The following CHCHD6 variants were observed in gnomAD, a reference collection of about 807,000 sequenced individuals.
CHCHD6 encodes the protein coiled-coil-helix-coiled-coil-helix domain containing 6.
CHCHD6 carries 28 observed loss-of-function variants against 32.3 expected under a neutral mutation model. The ratio of observed to expected loss-of-function variants is 0.87; its 90% CI spans 0.64 to 1.19. CHCHD6 has a LOEUF of 1.19. Among genes scored for constraint, CHCHD6 ranks in the 50% most tolerant of loss-of-function variants. The pLI, the probability that CHCHD6 is intolerant of heterozygous loss-of-function variation, is 0.00. For missense variants in CHCHD6, 333 were observed against 307.0 expected (o/e 1.08, Z -0.63); for synonymous variants, 122 against 117.5 (o/e 1.04, Z -0.25).
At chr3:126,711,117 T>C (rs1934729606) in intron 1 of CHCHD6, among the ~76,000 whole-genome samples, 1 of 152,202 alleles carries the variant, frequency 6.6e-6, no homozygotes. Flanking sequence ...CACTCCTTTC[T>C]CTCTGTCCTT....
In CHCHD6 at chr3:126,951,550, G is replaced by A. The variant is rs146174136; in HGVS notation, c.567-5866G>A. On this transcript the variant is annotated intron_variant, in intron 6 of 7. Coordinates refer to ENST00000290913, the MANE Select transcript of CHCHD6 (RefSeq NM_032343.3). ...GTTGTACCGAAACTTATGGATAGTG[G>A]ACCAAGACCAGAGAGAAGGAAGAGG... is the stretch of plus-strand genomic sequence containing the variant. Among the ~76,000 whole-genome samples the A allele has an allele frequency of 3.0e-3, 460 of 152,292 alleles. 3 individuals are homozygous for A. Among genetic ancestry groups the A allele is most frequent in the African/African-American group, 7.8e-3 (325 of 41,550 alleles).
At chr3:126,801,878 C>T (rs999086803) in intron 4 of CHCHD6, among the ~76,000 whole-genome samples, 63 of 152,166 alleles carry the variant, frequency 4.1e-4, no homozygotes, top group African/African-American at 1.2e-3. Context: ...TCCAGAGGAA[C>T]GATCAGACAG....
In CHCHD6 at chr3:126,934,536, C is replaced by CTTTTT. The variant is rs386397861; in HGVS notation, c.566+19812_566+19816dup. On this transcript the variant is annotated intron_variant, in intron 6 of 7. Coordinates refer to ENST00000290913, the MANE Select transcript of CHCHD6 (RefSeq NM_032343.3). The stretch of plus-strand genomic sequence containing the variant: ...CTTGGAATGCACCCTCCCCTCTCTG[C>CTTTTT]TTTTTTTTTTTTTTTTTTTTTTTTT... Among the ~76,000 whole-genome samples, 62 of 58,244 alleles carry CTTTTT rather than the reference C, an allele frequency of 1.1e-3. 5 individuals carry two copies. The highest frequency in any genetic ancestry group is 3.5e-3 in the African/African-American group (49 of 14,002). The allele number at this position is 58,244 out of a possible 152,430, so 38.2% of individuals were successfully genotyped here.
At chr3:126,744,270 T>C (rs1314333606) in intron 4 of CHCHD6, among the ~76,000 whole-genome samples, 1 of 152,256 alleles carries the variant, frequency 6.6e-6, no homozygotes, top group African/African-American at 2.4e-5. Flanking sequence ...TTTGGGGAGC[T>C]ACCATTCTGC....
At chr3:126,946,264 G>C (rs976861832) in intron 6 of CHCHD6, among the ~76,000 whole-genome samples, 3 of 152,202 alleles carry the variant, frequency 2.0e-5, no homozygotes, top group African/African-American at 7.2e-5. Context: ...CCCAGAAAGC[G>C]CCCCACCTGG....
At chr3:126,726,688 T>G (rs1203976679) in intron 1 of CHCHD6, among the ~76,000 whole-genome samples, 1 of 152,078 alleles carries the variant, frequency 6.6e-6, no homozygotes, top group Non-Finnish European at 1.5e-5. Flanking sequence ...AAAGAAAGGA[T>G]ATGATTTGGA....
chr3:126,880,807 G>A (rs2077598424), intron 5 of CHCHD6, among the ~76,000 whole-genome samples: 1 of 152,172 alleles, frequency 6.6e-6, no homozygotes, highest in Non-Finnish European at 1.5e-5. Flanking sequence ...TGGAAAATGT[G>A]TACTCAAGGA....
intron 5 of CHCHD6, among the ~76,000 whole-genome samples, chr3:126,902,104 G>A (rs560901221): frequency 1.3e-5 from 2 of 152,330 alleles, no homozygotes; most frequent in East Asian, 1.9e-4. Flanking sequence ...TTACAACAAC[G>A]ATTCTCAACA....
At chr3:126,854,230 A>G (rs1373122557) in intron 5 of CHCHD6, among the ~76,000 whole-genome samples, 1 of 152,196 alleles carries the variant, frequency 6.6e-6, no homozygotes, top group Admixed American at 6.5e-5. Context: ...TTGCATATGC[A>G]GGTGTGGGCT....
intron 1 of CHCHD6, among the ~76,000 whole-genome samples, chr3:126,717,080 C>CG (rs1935054548): frequency 1.3e-5 from 2 of 152,148 alleles, no homozygotes; most frequent in African/African-American, 4.8e-5. Context: ...GCACGCAGGC[C>CG]GGGGTCAGGC....
intron 5 of CHCHD6, among the ~76,000 whole-genome samples, chr3:126,899,700 C>T (rs549179460): frequency 7.9e-5 from 12 of 152,282 alleles, no homozygotes; most frequent in African/African-American, 2.9e-4. Flanking sequence ...ATTCACCTTT[C>T]CTGGTCTTGA....
chr3:126,917,591 A>G (rs1345809711), intron 6 of CHCHD6, among the ~76,000 whole-genome samples: 4 of 152,256 alleles, frequency 2.6e-5, no homozygotes, highest in African/African-American at 7.2e-5. Flanking sequence ...CATAGAAAGT[A>G]GACCTAGGAT....
intron 1 of CHCHD6, among the ~76,000 whole-genome samples, chr3:126,707,131 G>A (rs1156808950): frequency 6.6e-6 from 1 of 152,054 alleles, no homozygotes; most frequent in Non-Finnish European, 1.5e-5. Flanking sequence ...GCTGGGCATG[G>A]TGGCACACAC....
At chr3:126,952,484 C>T (rs370771424) in intron 6 of CHCHD6, among the ~76,000 whole-genome samples, 17 of 152,084 alleles carry the variant, frequency 1.1e-4, no homozygotes, top group African/African-American at 3.6e-4. Context: ...AGGTGGAGCT[C>T]GCACACAGGC....
chr3:126,836,935 C>G (rs369182909), intron 4 of CHCHD6, among the ~76,000 whole-genome samples: 10 of 152,174 alleles, frequency 6.6e-5, no homozygotes, highest in Admixed American at 6.5e-4. Flanking sequence ...AAATGGACAT[C>G]GCTTTGGGCT....
At chr3:126,797,583 T>A (rs151137616) in intron 4 of CHCHD6, among the ~76,000 whole-genome samples, 3 of 152,344 alleles carry the variant, frequency 2.0e-5, no homozygotes, top group African/African-American at 7.2e-5. Flanking sequence ...ACCTTTTGTT[T>A]TTCAAATGTA....
chr3:126,909,472 G>C (rs1218087534), intron 5 of CHCHD6, among the ~76,000 whole-genome samples: 1 of 152,174 alleles, frequency 6.6e-6, no homozygotes, highest in Non-Finnish European at 1.5e-5. Flanking sequence ...CACAGATCCA[G>C]GCCCTTGGAG....
chr3:126,767,139 G>A (rs1937405975), intron 4 of CHCHD6: 1 of 1,573,084 alleles, frequency 6.4e-7, no homozygotes, highest in Non-Finnish European at 8.7e-7. Context: ...CCATATTCAT[G>A]GCACCCAAAG....
At position 126,950,140 on chromosome 3, in the gene CHCHD6, G is replaced by T. The variant is rs150072332; in HGVS notation, c.567-7276G>T. Reference sequence around the variant, plus strand: ...CCTGCACAGATGATGGGAAAAGAAGGCCACACAGAGGATTGTCATGGATGG... The same window carrying T: ...CCTGCACAGATGATGGGAAAAGAAGTCCACACAGAGGATTGTCATGGATGG... On this transcript the variant is annotated intron_variant, in intron 6 of 7. Coordinates refer to ENST00000290913, the MANE Select transcript of CHCHD6 (RefSeq NM_032343.3). 3.9e-5 allele frequency among the ~76,000 whole-genome samples: 6 copies of T among 152,204 alleles called. No homozygotes were observed. The East Asian group carries it at 7.7e-4, about 20-fold the overall frequency.
Sources: gnomAD v4.1 joint callset for allele counts (sites outside exome capture counted in the v4.1 genomes callset) on GRCh38, gnomAD v4.1.1 for gene constraint, MANE v1.5 for transcripts, NCBI Gene and HGNC (gene_info 2026-07-23, HGNC 2026-07-21) for gene names.